The following DPYD variants were observed in gnomAD, a reference collection of about 807,000 sequenced individuals.
The protein encoded by DPYD is dihydropyrimidine dehydrogenase.
A neutral mutation model predicts 116.2 loss-of-function variants in DPYD; 109 were observed. That is an observed-to-expected ratio of 0.94 (90% CI 0.80 to 1.10). The LOEUF (loss-of-function observed/expected upper bound fraction) is 1.10. DPYD is among the 50% of genes least tolerant of loss of function. The probability of loss-of-function intolerance (pLI) is 0.00; values close to 1 mark genes in which losing one functional copy is unlikely to be tolerated. For missense variants in DPYD, 1,302 were observed against 1,254.5 expected (o/e 1.04, Z -0.57); for synonymous variants, 440 against 432.0 (o/e 1.02, Z -0.23).
intron 15 of DPYD, among the ~76,000 whole-genome samples, chr1:97,376,900 T>TATATATATATATATATATATAA (rs1671667341): frequency 6.7e-6 from 1 of 148,838 alleles, no homozygotes; most frequent in African/African-American, 2.5e-5. Flanking sequence ...TATATATATA[T>TATATATATATATATATATATAA]ATGGTGTGGA....
chr1:97,674,544 G>A (rs897550568), intron 8 of DPYD, among the ~76,000 whole-genome samples: 4 of 151,576 alleles, frequency 2.6e-5, no homozygotes, highest in African/African-American at 9.7e-5. Flanking sequence ...TGAACAATCA[G>A]AAAGAGAAAA....
At chr1:97,510,204 G>T (rs1287100606) in intron 13 of DPYD, among the ~76,000 whole-genome samples, 1 of 151,738 alleles carries the variant, frequency 6.6e-6, no homozygotes, top group Non-Finnish European at 1.5e-5. Flanking sequence ...TAGGAAAAAT[G>T]TATTAGGACA....
At chr1:97,684,313 A>T (rs1041629438) in intron 7 of DPYD, among the ~76,000 whole-genome samples, 4 of 152,110 alleles carry the variant, frequency 2.6e-5, no homozygotes, top group Non-Finnish European at 4.4e-5. Context: ...TACAGGAGCA[A>T]GTTGTTCAAT....
chr1:97,563,214 C>T (rs138739247), intron 11 of DPYD, among the ~76,000 whole-genome samples: 3 of 152,282 alleles, frequency 2.0e-5, no homozygotes, highest in African/African-American at 7.2e-5. Context: ...CTTGATTTTA[C>T]ATCTCACAGC....
chr1:97,379,518 A>C (rs927913377), intron 15 of DPYD, among the ~76,000 whole-genome samples: 7 of 152,132 alleles, frequency 4.6e-5, no homozygotes, highest in African/African-American at 1.4e-4. Context: ...CACATCTCCT[A>C]TAGTAACTGT....
intron 1 of DPYD, among the ~76,000 whole-genome samples, chr1:97,886,273 G>A (rs557544158): frequency 2.0e-5 from 3 of 152,170 alleles, no homozygotes; most frequent in African/African-American, 7.2e-5. Context: ...GTATCTCCCA[G>A]AGAGGGGTAA....
At chr1:97,529,646 T>A (rs945228639) in intron 12 of DPYD, among the ~76,000 whole-genome samples, 6 of 152,058 alleles carry the variant, frequency 3.9e-5, no homozygotes, top group African/African-American at 1.4e-4. Context: ...TGTTGCTTAC[T>A]TTATCCCTTC....
intron 4 of DPYD, among the ~76,000 whole-genome samples, chr1:97,738,813 A>C (rs1664102507): frequency 1.3e-5 from 2 of 152,138 alleles, no homozygotes; most frequent in South Asian, 2.1e-4. Context: ...TTAGGTAAAG[A>C]ATATGAACAA....
chr1:97,356,624 T>C (rs985656685), intron 16 of DPYD, among the ~76,000 whole-genome samples: 3 of 152,218 alleles, frequency 2.0e-5, no homozygotes, highest in Admixed American at 6.5e-5. Flanking sequence ...TTTTCTCCTA[T>C]ATTTTCTTCT....
chr1:97,517,391 T>A (rs986157328), intron 12 of DPYD, among the ~76,000 whole-genome samples: 2 of 152,092 alleles, frequency 1.3e-5, no homozygotes, highest in African/African-American at 4.8e-5. Flanking sequence ...TGTATGTATA[T>A]CTGTCCACGC....
In DPYD at chr1:97,477,830, C is replaced by T. The variant is rs1172405516; in HGVS notation, c.1741-27607G>A. Among the ~76,000 whole-genome samples, 4 of 152,002 alleles carry T rather than the reference C, an allele frequency of 2.6e-5. No individual in the cohort carries two copies. In the East Asian group the frequency reaches 7.7e-4, roughly 29 times the overall value. ...AGAGACGGGGTTTCACCTTGTTAGCCAGGATGGTCTCGATCTCCTGACCTC... is the reference window on the plus strand; with the variant it reads ...AGAGACGGGGTTTCACCTTGTTAGCTAGGATGGTCTCGATCTCCTGACCTC... On this transcript the variant is annotated intron_variant, in intron 13 of 22. Coordinates refer to ENST00000370192, the MANE Select transcript of DPYD (RefSeq NM_000110.4).
intron 3 of DPYD, among the ~76,000 whole-genome samples, chr1:97,742,229 GT>G (rs1300555614): frequency 6.6e-6 from 1 of 152,058 alleles, no homozygotes; most frequent in Admixed American, 6.6e-5. Context: ...ACACTTCCAT[GT>G]GTAAAGACCT....
At chr1:97,210,841 C>T (rs994343248) in intron 19 of DPYD, among the ~76,000 whole-genome samples, 23 of 152,102 alleles carry the variant, frequency 1.5e-4, no homozygotes, top group African/African-American at 5.6e-4. Flanking sequence ...TCATCTCTGT[C>T]CCTTTCTTTT....
chr1:97,862,865 A>C (rs1374027752), intron 2 of DPYD, among the ~76,000 whole-genome samples: 1 of 152,014 alleles, frequency 6.6e-6, no homozygotes, highest in African/African-American at 2.4e-5. Flanking sequence ...TAAGTGAATG[A>C]GAAAATGATA....
chr1:97,806,602 C>G (rs1396950309), intron 3 of DPYD, among the ~76,000 whole-genome samples: 1 of 151,894 alleles, frequency 6.6e-6, no homozygotes, highest in Non-Finnish European at 1.5e-5. Flanking sequence ...AAAACTCCCT[C>G]ACCATCAACA....
chr1:97,098,662 A>G (rs1187915002), intron 20 of DPYD, 30 bp from the exon 21 acceptor site: 2 of 1,611,636 alleles, frequency 1.2e-6, no homozygotes, highest in Non-Finnish European at 1.7e-6. Flanking sequence ...ATAAGGAAGC[A>G]TGTTAGCTCA....
At chr1:97,479,055 G>T (rs573305362) in intron 13 of DPYD, among the ~76,000 whole-genome samples, 63 of 152,304 alleles carry the variant, frequency 4.1e-4, no homozygotes, top group Admixed American at 8.5e-4. Flanking sequence ...TGCTGATTTG[G>T]TCTATCCAGA....
chr1:97,489,696 T>C (rs990588823), intron 13 of DPYD, among the ~76,000 whole-genome samples: 25 of 152,204 alleles, frequency 1.6e-4, no homozygotes, highest in African/African-American at 6.0e-4. Flanking sequence ...TTTACTTCTG[T>C]TACATGCTAC....
At chr1:97,195,548 G>C (rs1178599789) in intron 19 of DPYD, among the ~76,000 whole-genome samples, 5 of 96,696 alleles carry the variant, frequency 5.2e-5, no homozygotes, top group Admixed American at 1.2e-4. Context: ...GAGAGAGAGA[G>C]AGAGAGAGAG....
Sources: allele counts gnomAD v4.1 joint callset (sites outside exome capture counted in the v4.1 genomes callset), GRCh38; gene constraint gnomAD v4.1.1; transcripts MANE v1.5; gene names NCBI Gene and HGNC (gene_info 2026-07-23, HGNC 2026-07-21).